CDH18: variants seen among roughly 807,000 people sequenced by gnomAD.
CDH18 encodes cadherin 18, also known as cadherin-18.
A neutral mutation model predicts 67.9 loss-of-function variants in CDH18; 31 were observed. The ratio of observed to expected loss-of-function variants is 0.46; its 90% CI spans 0.34 to 0.62. The LOEUF (loss-of-function observed/expected upper bound fraction) is 0.62. Ranked by LOEUF, CDH18 falls within the 20% of genes least tolerant of loss-of-function variation. The pLI, the probability that CDH18 is intolerant of heterozygous loss-of-function variation, is 0.01. For missense variants in CDH18, 890 were observed against 975.5 expected (o/e 0.91, Z 1.17); for synonymous variants, 362 against 347.2 (o/e 1.04, Z -0.48).
chr5:19,737,822 GACA>G (rs1185277000), intron 4 of CDH18, among the ~76,000 whole-genome samples: 3 of 152,100 alleles, frequency 2.0e-5, no homozygotes, highest in African/African-American at 4.8e-5. Flanking sequence ...AAAAGATAGG[GACA>G]ACAACATCGA....
intron 1 of CDH18, among the ~76,000 whole-genome samples, chr5:20,438,965 ATAATT>A (rs1224870190): frequency 6.6e-6 from 1 of 151,554 alleles, no homozygotes; most frequent in East Asian, 1.9e-4. Flanking sequence ...TTTTTAAAAA[ATAATT>A]TATTCTTTTA....
chr5:20,466,340 G>A (rs967010252), intron 1 of CDH18, among the ~76,000 whole-genome samples: 5 of 152,148 alleles, frequency 3.3e-5, no homozygotes, highest in Non-Finnish European at 4.4e-5. Flanking sequence ...ACAATGTGCA[G>A]TACATGATTT....
intron 2 of CDH18, among the ~76,000 whole-genome samples, chr5:20,179,042 T>A (rs975304543): frequency 1.3e-5 from 2 of 152,056 alleles, no homozygotes; most frequent in Admixed American, 1.3e-4. Context: ...AATAAACTAG[T>A]AGCAATATAA....
At chr5:20,313,480 A>G (rs1191776914) in intron 1 of CDH18, among the ~76,000 whole-genome samples, 1 of 152,114 alleles carries the variant, frequency 6.6e-6, no homozygotes, top group Admixed American at 6.6e-5. Context: ...GTAAAACTGT[A>G]TTAAAAATAC....
chr5:19,544,057 A>G (rs1389050952), intron 8 of CDH18, 52 bp from the exon 9 acceptor site: 2 of 967,212 alleles, frequency 2.1e-6, no homozygotes, highest in Non-Finnish European at 3.0e-6. Flanking sequence ...AGAAAATACA[A>G]CTGAACCAAG....
At chr5:20,141,053 C>A (rs1750201596) in intron 2 of CDH18, among the ~76,000 whole-genome samples, 1 of 152,152 alleles carries the variant, frequency 6.6e-6, no homozygotes. Flanking sequence ...ACTCATCTTC[C>A]ATTTCCAGCC....
At chr5:19,750,798 T>C (rs1167268385) in intron 3 of CDH18, among the ~76,000 whole-genome samples, 1 of 136,828 alleles carries the variant, frequency 7.3e-6, no homozygotes, top group Admixed American at 7.3e-5. Flanking sequence ...AGTTTAGTCA[T>C]ACCAAGGGCA....
At chr5:20,339,108 T>G (rs1740031682) in intron 1 of CDH18, among the ~76,000 whole-genome samples, 1 of 151,908 alleles carries the variant, frequency 6.6e-6, no homozygotes, top group African/African-American at 2.4e-5. Context: ...TTTTCTCCCC[T>G]CTCTTTCTGG....
chr5:20,425,235 C>G (rs897727230), intron 1 of CDH18, among the ~76,000 whole-genome samples: 3 of 150,210 alleles, frequency 2.0e-5, no homozygotes, highest in East Asian at 3.9e-4. Flanking sequence ...GGTGTGGTGG[C>G]GCATGCCTGT....
chr5:19,877,051 C>A (rs773093902), intron 2 of CDH18, among the ~76,000 whole-genome samples: 28 of 152,094 alleles, frequency 1.8e-4, no homozygotes, highest in Non-Finnish European at 3.4e-4. Flanking sequence ...ATGAATCCCC[C>A]AATGACTATG....
intron 2 of CDH18, among the ~76,000 whole-genome samples, chr5:20,070,442 A>G (rs1430332997): frequency 6.6e-6 from 1 of 152,084 alleles, no homozygotes; most frequent in Non-Finnish European, 1.5e-5. Flanking sequence ...CATACTCTTT[A>G]TTTTTAGAGG....
At position 20,489,858 on chromosome 5, in the gene CDH18, T is replaced by C. The variant is rs1210127478; in HGVS notation, c.-580+85604A>G. Among the ~76,000 whole-genome samples the C allele has an allele frequency of 2.0e-5, 3 of 151,854 alleles. No homozygotes were observed. The East Asian group carries it at 5.8e-4, about 29-fold the overall frequency. ...AATGTTTACTTTTATTCAAGCTTTT[T>C]TTAATGCTTATATGGTTCAGGTTTT... On this transcript the variant is annotated intron_variant, in intron 1 of 14. Coordinates refer to the CDH18 transcript ENST00000507958.
chr5:19,974,203 G>C (rs923162758), intron 2 of CDH18, among the ~76,000 whole-genome samples: 1 of 152,022 alleles, frequency 6.6e-6, no homozygotes, highest in Non-Finnish European at 1.5e-5. Context: ...CATTTACTCA[G>C]ATGTCAGAAA....
At chr5:20,185,998 G>C (rs1002138077) in intron 2 of CDH18, among the ~76,000 whole-genome samples, 10 of 151,844 alleles carry the variant, frequency 6.6e-5, no homozygotes, top group African/African-American at 2.4e-4. Context: ...AATGGTAGAG[G>C]CAATAAAAAT....
At chr5:19,662,247 T>A (rs1425493417) in intron 5 of CDH18, among the ~76,000 whole-genome samples, 1 of 152,046 alleles carries the variant, frequency 6.6e-6, no homozygotes, top group Non-Finnish European at 1.5e-5. Context: ...ATTTTTGAGA[T>A]GCTGATGTTG....
At chr5:19,507,465 T>C (rs1434001024) in intron 10 of CDH18, among the ~76,000 whole-genome samples, 4 of 151,812 alleles carry the variant, frequency 2.6e-5, no homozygotes, top group African/African-American at 9.7e-5. Context: ...CGTATGTTTA[T>C]TGCGGCACTA....
intron 3 of CDH18, among the ~76,000 whole-genome samples, chr5:19,811,083 A>G (rs1367375485): frequency 5.6e-5 from 1 of 17,812 alleles, no homozygotes; most frequent in Non-Finnish European, 1.0e-4. Context: ...AGAGAAAAAG[A>G]AAGAAAGAAA....
intron 1 of CDH18, among the ~76,000 whole-genome samples, chr5:20,388,225 A>T (rs1357150280): frequency 6.6e-6 from 1 of 152,160 alleles, no homozygotes; most frequent in African/African-American, 2.4e-5. Context: ...TAAGCTATTA[A>T]TTATTGCCTC....
chr5:20,434,907 T>C (rs1219292030), intron 1 of CDH18, among the ~76,000 whole-genome samples: 1 of 152,030 alleles, frequency 6.6e-6, no homozygotes, highest in African/African-American at 2.4e-5. Flanking sequence ...CTAGAAGCAG[T>C]TGGATCTTGC....
Sources: gnomAD v4.1 joint callset for allele counts (sites outside exome capture counted in the v4.1 genomes callset) on GRCh38, gnomAD v4.1.1 for gene constraint, MANE v1.5 for transcripts, NCBI Gene and HGNC (gene_info 2026-07-23, HGNC 2026-07-21) for gene names.